SLC18A1: variants seen among roughly 807,000 people sequenced by gnomAD.
The protein encoded by SLC18A1 is solute carrier family 18 member A1.
SLC18A1 carries 69 observed loss-of-function variants against 53.7 expected under a neutral mutation model. The observed-to-expected ratio is 1.28, with a 90% CI of 1.06 to 1.57. The LOEUF is 1.57. Among genes scored for constraint, SLC18A1 ranks in the 40% most tolerant of loss-of-function variants. The pLI, the probability that SLC18A1 is intolerant of heterozygous loss-of-function variation, is 0.00. For synonymous variants in SLC18A1, 320 were observed against 248.1 expected (o/e 1.29, Z -2.72); for missense variants, 932 against 668.1 (o/e 1.40, Z -4.35).
At chr8:20,156,037 C>T (rs569832879) in intron 10 of SLC18A1, among the ~76,000 whole-genome samples, 4 of 152,292 alleles carry the variant, frequency 2.6e-5, no homozygotes, top group South Asian at 2.1e-4. Flanking sequence ...AGCTCCTTGG[C>T]GAGGGCCTTA....
chr8:20,166,221 G>C (rs1287927867), intron 8 of SLC18A1, among the ~76,000 whole-genome samples: 1 of 146,746 alleles, frequency 6.8e-6, no homozygotes, highest in Non-Finnish European at 1.5e-5. Context: ...AAACATAGGA[G>C]ATGGAATAAA....
intron 10 of SLC18A1, among the ~76,000 whole-genome samples, chr8:20,162,979 A>G (rs1202833775): frequency 6.6e-6 from 1 of 152,092 alleles, no homozygotes; most frequent in African/African-American, 2.4e-5. Context: ...CTCATTACCC[A>G]TTTTCTGTCT....
intron 13 of SLC18A1, 92 bp from the exon 14 acceptor site, chr8:20,147,814 G>A: frequency 6.5e-7 from 1 of 1,548,754 alleles, no homozygotes; most frequent in South Asian, 1.2e-5. Flanking sequence ...TGCTTTGTCT[G>A]CTGTCTTCTG....
chr8:20,159,411 A>G lies in SLC18A1; in HGVS notation c.1015+5458T>C, dbSNP rs541575478. ...AAACAAGGGGCTAGTAACTCAGCTC[A>G]CACCTGACCAATCACATAGTAAAGA... On this transcript the variant is annotated intron_variant, in intron 10 of 15. Coordinates refer to ENST00000276373, the MANE Select transcript of SLC18A1 (RefSeq NM_003053.4). 7.8e-4 allele frequency among the ~76,000 whole-genome samples: 119 copies of G among 152,242 alleles called. 1 individual carries two copies. Among genetic ancestry groups the G allele is most frequent in the African/African-American group, 2.7e-3 (114 of 41,542 alleles).
In SLC18A1 at chr8:20,147,372, G is replaced by C; in HGVS notation, c.1350C>G (p.Ala450=). 6.2e-7 allele frequency: 1 copy of C among 1,610,982 alleles called. No homozygotes were observed. Among genetic ancestry groups the C allele is most frequent in the Non-Finnish European group, 8.5e-7 (1 of 1,179,026 alleles). The change falls in exon 15 of 16, where the codon GCC becomes GCG. Residue 450 remains alanine (A), a synonymous_variant. Coordinates refer to ENST00000276373, the MANE Select transcript of SLC18A1 (RefSeq NM_003053.4). ...AGGGAAAACCGATGGCCTTTACAATGGCACCACCGGTGGATGGACCTGGGA... is the reference window on the plus strand; with the variant it reads ...AGGGAAAACCGATGGCCTTTACAATCGCACCACCGGTGGATGGACCTGGGA... ...GFAIGPSTGG[A]IVKAIGFPWL... is the part of the protein sequence containing the mutation.
At chr8:20,168,057 CA>C (rs1273139268) in intron 8 of SLC18A1, among the ~76,000 whole-genome samples, 1 of 151,966 alleles carries the variant, frequency 6.6e-6, no homozygotes, top group Non-Finnish European at 1.5e-5. Flanking sequence ...AAACATTACT[CA>C]AAAAACAATG....
chr8:20,158,993 C>G (rs2071748930), intron 10 of SLC18A1, among the ~76,000 whole-genome samples: 1 of 152,186 alleles, frequency 6.6e-6, no homozygotes, highest in Non-Finnish European at 1.5e-5. Context: ...TCCCGCTGCA[C>G]TTTAGGCTAT....
rs529653391 is a variant in SLC18A1 at position 20,171,604 on chromosome 8, G to A, written c.725-110C>T. The A allele has an allele frequency of 2.5e-6, 2 of 804,112 alleles. 1 individual carries two copies. The highest frequency in any genetic ancestry group is 5.2e-5 in the East Asian group (2 of 38,386). The allele number at this position is 804,112 out of a possible 1,614,324, so 49.8% of individuals were successfully genotyped here. A position where few individuals can be genotyped will look rare whatever the true frequency, so the allele number is the denominator to read the frequency against. ...TTGCAGAAGGCCTGCTAGGGGCTAA[G>A]CTCCACCTGAGGCTCTGGGAATTCA... is the stretch of plus-strand genomic sequence containing the variant. On this transcript the variant is annotated intron_variant, in intron 6 of 15. Transcript: ENST00000276373.
At chr8:20,151,111 A>G (rs2071540978) in intron 10 of SLC18A1, 1 of 206,076 alleles carries the variant, frequency 4.9e-6, no homozygotes, top group Non-Finnish European at 9.8e-6. Context: ...GGCTGGGATT[A>G]CAGATGAACA....
Position 20,156,364 on chromosome 8 carries a change from T to C in SLC18A1, c.1016-5620A>G, listed in dbSNP as rs559179493. Among the ~76,000 whole-genome samples the C allele has an allele frequency of 7.2e-5, 11 of 152,010 alleles. No individual in the cohort carries two copies. The South Asian group carries it at 2.3e-3, about 32-fold the overall frequency. On this transcript the variant is annotated intron_variant, in intron 10 of 15. Transcript: ENST00000276373. The stretch of plus-strand genomic sequence containing the variant: ...TAACATTAACCACTGAAAATTCCCT[T>C]AACCCAGCCAATTTCCTAACAGGGG...
At chr8:20,179,709 T>A (rs916312179) in intron 2 of SLC18A1, among the ~76,000 whole-genome samples, 1 of 152,222 alleles carries the variant, frequency 6.6e-6, no homozygotes, top group African/African-American at 2.4e-5. Context: ...TAAAACCTAC[T>A]AAAAGACTGT....
At position 20,145,780 on chromosome 8, in the gene SLC18A1, G is replaced by A. The variant is rs779942645; in HGVS notation, c.1561C>T (p.Pro521Ser). 1 of 1,607,802 alleles carries A rather than the reference G, an allele frequency of 6.2e-7. No homozygotes were observed. The highest frequency in any genetic ancestry group is 8.5e-7 in the Non-Finnish European group (1 of 1,176,854). ...TTCTGCTGCTACTCCTCATGGTCAG[G>A]CTCCTCATCACTGTCCTCCCCCAGA... ...FPLGEDSDEE[P>S]DHEE is the part of the protein sequence containing the mutation. The change falls in exon 16 of 16, where the codon CCT becomes TCT. Residue 521 changes from proline to serine, a missense_variant. By Grantham distance (74) the Pro-to-Ser change is moderately conservative (BLOSUM62 -1). Coordinates refer to ENST00000276373, the MANE Select transcript of SLC18A1 (RefSeq NM_003053.4).
chr8:20,162,059 C>T (rs760044721), intron 10 of SLC18A1, among the ~76,000 whole-genome samples: 1 of 152,222 alleles, frequency 6.6e-6, no homozygotes, highest in Non-Finnish European at 1.5e-5. Context: ...TTACCACTTG[C>T]ACCCTCCAGA....
At chr8:20,163,602 A>G (rs2071883658) in intron 10 of SLC18A1, among the ~76,000 whole-genome samples, 1 of 152,146 alleles carries the variant, frequency 6.6e-6, no homozygotes, top group East Asian at 1.9e-4. Flanking sequence ...CATGTACAGC[A>G]GCGATTTTCT....
At chr8:20,149,050 C>T (rs1402807619) in intron 12 of SLC18A1, among the ~76,000 whole-genome samples, 1 of 152,152 alleles carries the variant, frequency 6.6e-6, no homozygotes, top group Non-Finnish European at 1.5e-5. Flanking sequence ...TCCAGCTGGT[C>T]TTGAGCACAG....
intron 4 of SLC18A1, chr8:20,175,878 C>G (rs2072239837): frequency 6.6e-6 from 1 of 152,232 alleles, no homozygotes; most frequent in African/African-American, 2.4e-5. Context: ...TTCCTGGCCA[C>G]CAGCATCTTT....
In SLC18A1 at chr8:20,166,276, G is replaced by GGTGTGT. The variant is rs141519804; in HGVS notation, c.859-1175_859-1170dup. 8.9e-3 allele frequency among the ~76,000 whole-genome samples: 541 copies of GGTGTGT among 60,668 alleles called. 25 individuals are homozygous for GGTGTGT. Among genetic ancestry groups the GGTGTGT allele is most frequent in the African/African-American group, 0.029 (484 of 16,602 alleles). 39.8% of individuals were successfully genotyped at this position (60,668 alleles called of 152,430 possible). A position where few individuals can be genotyped will look rare whatever the true frequency, so the allele number is the denominator to read the frequency against. ...GTGTACACATACAAAATTGTGTGTGGGTGTGTGTGTGTCTATATATATATA... is the reference window on the plus strand; with the variant it reads ...GTGTACACATACAAAATTGTGTGTGGGTGTGTGTGTGTGTGTGTCTATATATATATA... On this transcript the variant is annotated intron_variant, in intron 8 of 15. Transcript: ENST00000276373.
At chr8:20,174,539 T>C (rs1387426669) in intron 4 of SLC18A1, 95 bp from the exon 5 acceptor site, 6 of 760,012 alleles carry the variant, frequency 7.9e-6, no homozygotes, top group Admixed American at 2.0e-5. Flanking sequence ...CAGATATGAG[T>C]CTTGATGCAT....
At chr8:20,149,787 C>A in intron 11 of SLC18A1, 60 bp from the exon 12 acceptor site, 1 of 1,492,442 alleles carries the variant, frequency 6.7e-7, no homozygotes. Flanking sequence ...CACCTGTACC[C>A]CATCACCGCC....
Sources: gnomAD v4.1 joint callset for allele counts (sites outside exome capture counted in the v4.1 genomes callset) on GRCh38, gnomAD v4.1.1 for gene constraint, MANE v1.5 for transcripts, NCBI Gene and HGNC (gene_info 2026-07-23, HGNC 2026-07-21) for gene names.